PPP2R1A: variants seen among roughly 807,000 people sequenced by gnomAD.
The protein encoded by PPP2R1A is serine/threonine-protein phosphatase 2A 65 kDa regulatory subunit A alpha isoform.
In PPP2R1A, 15 loss-of-function variants were observed where a neutral mutation model predicts 67.1. The observed-to-expected ratio is 0.22, with a 90% CI of 0.15 to 0.34. PPP2R1A has a LOEUF of 0.34. Among genes scored for constraint, PPP2R1A ranks in the 10% least tolerant of loss-of-function variants. The pLI, the probability that PPP2R1A is intolerant of heterozygous loss-of-function variation, is 1.00. For missense variants in PPP2R1A, 369 were observed against 775.0 expected (o/e 0.48, Z 6.22); for synonymous variants, 337 against 325.0 (o/e 1.04, Z -0.40).
rs1978891051 is a variant in PPP2R1A, at chr19:52,221,018, A to G, written c.1403A>G (p.Lys468Arg). The G allele has an allele frequency of 4.3e-6, 7 of 1,614,180 alleles. No individual in the cohort carries two copies. In the Admixed American group the frequency reaches 1.0e-4, roughly 23 times the overall value. ...IREAATSNLK[K>R]LVEKFGKEWA... ...GAGGCAGCCACCAGCAACCTGAAGA[A>G]GCTAGTGGAAAAGTTTGGGAAGGAG... is the stretch of plus-strand genomic sequence containing the variant. The change falls in exon 12 of 15, where the codon AAG (lysine) becomes AGG (arginine). Residue 468 changes from lysine to arginine, a missense_variant. Physicochemically the swap from Lys to Arg is conservative, Grantham distance 26. This residue lies in a region of PPP2R1A where 276 missense variants were observed against 508.4 expected (regional missense o/e 0.54). Coordinates refer to ENST00000322088, the MANE Select transcript of PPP2R1A (RefSeq NM_014225.6).
intron 2 of PPP2R1A, among the ~76,000 whole-genome samples, chr19:52,205,490 A>G (rs904926159): frequency 6.6e-6 from 1 of 152,118 alleles, no homozygotes; most frequent in Non-Finnish European, 1.5e-5. Flanking sequence ...CGGACATCCT[A>G]GAAATCTTCC....
intron 1 of PPP2R1A, among the ~76,000 whole-genome samples, chr19:52,193,817 A>G (rs1305201238): frequency 1.3e-5 from 2 of 152,014 alleles, no homozygotes; most frequent in East Asian, 3.9e-4. Flanking sequence ...CTGCCTCCCA[A>G]AGTGCTGGGA....
intron 3 of PPP2R1A, among the ~76,000 whole-genome samples, chr19:52,208,514 C>A (rs974038174): frequency 6.6e-6 from 1 of 151,242 alleles, no homozygotes; most frequent in African/African-American, 2.4e-5. Context: ...TTTTATTTTT[C>A]TTTGAGACAG....
intron 9 of PPP2R1A, among the ~76,000 whole-genome samples, chr19:52,217,235 A>G (rs7252174): frequency 0.16 from 24,287 of 152,180 alleles, 2,461 homozygotes; most frequent in African/African-American, 0.29. Flanking sequence ...GTCTTGCTCT[A>G]TTGCCCACAC....
chr19:52,215,926 G>A (rs774612865), intron 7 of PPP2R1A, 33 bp downstream of exon 7: 112 of 1,612,174 alleles, frequency 6.9e-5, no homozygotes, highest in South Asian at 2.2e-4. Flanking sequence ...CAGCAAGTGG[G>A]GTGGGTATCC....
chr19:52,226,354 G>C lies in PPP2R1A; in HGVS notation c.*373G>C, dbSNP rs149542408. 27 of 366,186 alleles carry C rather than the reference G, an allele frequency of 7.4e-5. No homozygotes were observed. Among genetic ancestry groups the C allele is most frequent in the Non-Finnish European group, 3.5e-5 (7 of 202,058 alleles). The allele number at this position is 366,186 out of a possible 1,614,324, so 22.7% of individuals were successfully genotyped here. ...ATTGGTTTTTTTTTGTGTGTCAACT[G>C]TGCCGTTTTTATTTTATTCCTTTTA... On this transcript the variant is annotated 3_prime_UTR_variant, in exon 15 of 15. Transcript: ENST00000322088.
intron 3 of PPP2R1A, among the ~76,000 whole-genome samples, chr19:52,209,054 G>C (rs2089637639): frequency 6.6e-6 from 1 of 152,204 alleles, no homozygotes; most frequent in African/African-American, 2.4e-5. Context: ...TATTCTGATT[G>C]TTTTGGTCCA....
chr19:52,216,215 T>G lies in PPP2R1A; in HGVS notation c.993+141T>G. 1 of 940,920 alleles carries G rather than the reference T, an allele frequency of 1.1e-6. No homozygotes were observed. Among genetic ancestry groups the G allele is most frequent in the Non-Finnish European group, 1.6e-6 (1 of 625,594 alleles). 58.3% of individuals were successfully genotyped at this position (940,920 alleles called of 1,614,324 possible). ...CAGGCAGCTCTTGGGTTTCAAGCAGTTAGGGGTCCTGACTGCAGCTTGAGG... is the reference window on the plus strand; with the variant it reads ...CAGGCAGCTCTTGGGTTTCAAGCAGGTAGGGGTCCTGACTGCAGCTTGAGG... On this transcript the variant is annotated intron_variant, in intron 8 of 14. Transcript: ENST00000322088. This position sits in a 1 kb window ranked among gnomAD's most constrained non-coding sequence, Gnocchi z 4.3.
rs567391063 is a variant in PPP2R1A, at chr19:52,227,823, A to G, written c.*1842A>G. The G allele has an allele frequency of 3.9e-5, 6 of 152,178 alleles. No individual in the cohort carries two copies. Among genetic ancestry groups the G allele is most frequent in the Non-Finnish European group, 8.8e-5 (6 of 68,032 alleles). 9.4% of individuals were successfully genotyped at this position (152,178 alleles called of 1,614,324 possible). A position where few individuals can be genotyped will look rare whatever the true frequency, so the allele number is the denominator to read the frequency against. ...TGAACACACGTGTAACCAAACGTCA[A>G]AGTCTGACATTAAACTTTGACTTTC... On this transcript the variant is annotated 3_prime_UTR_variant, in exon 15 of 15. Transcript: ENST00000322088.
Position 52,190,130 on chromosome 19 carries a change from C to T in PPP2R1A, c.34C>T (p.Pro12Ser). The change falls in exon 1 of 15, where the codon CCC becomes TCC. Residue 12 changes from proline (P) to serine (S), a missense_variant. By Grantham distance (74) the Pro-to-Ser change is moderately conservative (BLOSUM62 -1). Around this residue, in one of 2 missense-constraint regions of PPP2R1A, gnomAD observed 93 missense variants for 266.5 expected, o/e 0.35. Transcript: ENST00000322088. Reference sequence around the variant, plus strand: ...GGCCGACGGCGACGACTCGCTGTACCCCATCGCGGTGCTCATAGACGAACT... The same window carrying T: ...GGCCGACGGCGACGACTCGCTGTACTCCATCGCGGTGCTCATAGACGAACT... ...AAADGDDSLY[P>S]IAVLIDELRN... 6.4e-7 allele frequency: 1 copy of T among 1,550,728 alleles called. No individual in the cohort carries two copies. Among genetic ancestry groups the T allele is most frequent in the Non-Finnish European group, 8.7e-7 (1 of 1,146,686 alleles).
chr19:52,222,081 C>G lies in PPP2R1A; in HGVS notation c.1519-18C>G, dbSNP rs1443208274. The G allele has an allele frequency of 2.5e-6, 4 of 1,595,124 alleles. No homozygotes were observed. The highest frequency in any genetic ancestry group is 3.4e-6 in the Non-Finnish European group (4 of 1,170,510). On this transcript the variant is annotated intron_variant, in intron 12 of 14. Transcript: ENST00000322088. ...CAGGAGCTTTGCATACTCACCCCTGCCACTCACTGGCCCCCAGGTGCTGTC... is the reference window on the plus strand; with the variant it reads ...CAGGAGCTTTGCATACTCACCCCTGGCACTCACTGGCCCCCAGGTGCTGTC...
chr19:52,199,359 C>T (rs1056568024), intron 1 of PPP2R1A, among the ~76,000 whole-genome samples: 3 of 152,182 alleles, frequency 2.0e-5, no homozygotes, highest in East Asian at 1.9e-4. Flanking sequence ...ATGGTAGAGA[C>T]GGGGTTTCAC....
chr19:52,222,010 A>G, intron 12 of PPP2R1A, 89 bp from the exon 13 acceptor site: 1 of 1,359,298 alleles, frequency 7.4e-7, no homozygotes, highest in Non-Finnish European at 1.0e-6. Flanking sequence ...GGGCCTGATG[A>G]TCACCAGAGT....
rs143305108 is a variant in PPP2R1A at position 52,191,854 on chromosome 19, G to A, written c.78+1680G>A. Among the ~76,000 whole-genome samples, 218 of 152,274 alleles carry A rather than the reference G, an allele frequency of 1.4e-3. 2 individuals are homozygous for A. Among genetic ancestry groups the A allele is most frequent in the Non-Finnish European group, 2.1e-3 (142 of 68,038 alleles). ...TAGATGAGTGTTTGAAAAGTGATGG[G>A]AAGGAAACAAATAGGATGTAGTGGT... On this transcript the variant is annotated intron_variant, in intron 1 of 14. Transcript: ENST00000322088.
In PPP2R1A at chr19:52,211,196, T is replaced by A; in HGVS notation, c.271-64T>A. On this transcript the variant is annotated intron_variant, in intron 3 of 14. Transcript: ENST00000322088. The surrounding 1 kb of genome is among the most constrained non-coding windows in gnomAD (Gnocchi z 5.3). Reference sequence around the variant, plus strand: ...GATGAGCCCATGATGGGGTGCAGGATGGGGCTCCAGGGCTGCGGATGGTGG... The same window carrying A: ...GATGAGCCCATGATGGGGTGCAGGAAGGGGCTCCAGGGCTGCGGATGGTGG... 1 of 1,500,436 alleles carries A rather than the reference T, an allele frequency of 6.7e-7. No individual in the cohort carries two copies. The highest frequency in any genetic ancestry group is 2.4e-5 in the East Asian group (1 of 41,890). The allele number at this position is 1,500,436 out of a possible 1,614,324, so 92.9% of individuals were successfully genotyped here. A position where few individuals can be genotyped will look rare whatever the true frequency, so the allele number is the denominator to read the frequency against.
chr19:52,211,319 G>A lies in PPP2R1A; in HGVS notation c.330G>A (p.Glu110=), dbSNP rs2122329431. The A allele has an allele frequency of 6.2e-7, 1 of 1,613,818 alleles. No homozygotes were observed. Residue 110 remains glutamate (E), a synonymous_variant, in exon 4 of 15, where the codon GAG becomes GAA. Transcript: ENST00000322088. The surrounding 1 kb of genome is among the most constrained non-coding windows in gnomAD (Gnocchi z 5.3). ...EETVVRDKAV[E]SLRAISHEHS... is the part of the protein sequence containing the mutation. ...CAGTGGTGCGGGACAAGGCAGTGGA[G>A]TCCTTACGGGCCATCTCACACGAGC...
chr19:52,216,600 C>T lies in PPP2R1A; in HGVS notation c.1065C>T (p.Ile355=). The T allele has an allele frequency of 1.2e-6, 2 of 1,614,194 alleles. No individual in the cohort carries two copies. The highest frequency in any genetic ancestry group is 2.2e-5 in the East Asian group (1 of 44,868). ...LASVIMGLSP[I]LGKDNTIEHL... ...CAGTCATCATGGGTCTCTCTCCCAT[C>T]TTGGGCAAAGACAACACCATCGAGC... is the stretch of plus-strand genomic sequence containing the variant. Residue 355 remains isoleucine, a synonymous_variant, in exon 9 of 15, where the codon ATC becomes ATT. Coordinates refer to ENST00000322088, the MANE Select transcript of PPP2R1A (RefSeq NM_014225.6). This position sits in a 1 kb window ranked among gnomAD's most constrained non-coding sequence, Gnocchi z 4.3.
intron 9 of PPP2R1A, among the ~76,000 whole-genome samples, chr19:52,218,358 C>T (rs1488332175): frequency 6.6e-6 from 1 of 151,942 alleles, no homozygotes; most frequent in Non-Finnish European, 1.5e-5. Flanking sequence ...AATTCTGTTA[C>T]AGTGGAGTAA....
intron 1 of PPP2R1A, chr19:52,201,566 C>CTCG: frequency 5.4e-6 from 1 of 185,044 alleles, no homozygotes; most frequent in South Asian, 1.2e-4. Flanking sequence ...GTGTTATAAA[C>CTCG]GTGGCTGCTG....
Sources: allele counts gnomAD v4.1 joint callset (sites outside exome capture counted in the v4.1 genomes callset), GRCh38; gene constraint gnomAD v4.1.1; regional missense constraint gnomAD v4.1.1; non-coding constraint Gnocchi (gnomAD v3.1); transcripts MANE v1.5; gene names NCBI Gene and HGNC (gene_info 2026-07-23, HGNC 2026-07-21).